ATG13: variants seen among roughly 807,000 people sequenced by gnomAD.
ATG13 encodes the protein autophagy related 13.
A neutral mutation model predicts 65.5 loss-of-function variants in ATG13; 23 were observed. The observed-to-expected ratio is 0.35, with a 90% confidence interval of 0.25 to 0.50. The LOEUF is 0.50. ATG13 is among the 20% of genes least tolerant of loss of function. The pLI, the probability that ATG13 is intolerant of heterozygous loss-of-function variation, is 0.98. For synonymous variants in ATG13, 252 were observed against 245.2 expected, an observed-to-expected ratio of 1.03 and a Z score of -0.26; for missense variants, 566 against 677.0, an observed-to-expected ratio of 0.84 and a Z score of 1.82.
chr11:46,638,106 A>G (rs897499918), intron 2 of ATG13, among the ~76,000 whole-genome samples: 1 of 152,162 alleles, frequency 6.6e-6, no homozygotes, highest in African/African-American at 2.4e-5. Flanking sequence ...TCATCATCTT[A>G]AACATTTATT....
chr11:46,622,301 T>C (rs1448534568), intron 1 of ATG13, among the ~76,000 whole-genome samples: 2 of 151,328 alleles, frequency 1.3e-5, no homozygotes, highest in African/African-American at 4.9e-5. Context: ...ATATTTTTAG[T>C]AGAGACGGGG....
At chr11:46,655,353 G>T (rs1032131326) in intron 7 of ATG13, among the ~76,000 whole-genome samples, 2 of 151,842 alleles carry the variant, frequency 1.3e-5, no homozygotes, top group Admixed American at 1.3e-4. Flanking sequence ...AGCCGAGATT[G>T]CACCACTGCA....
intron 7 of ATG13, among the ~76,000 whole-genome samples, chr11:46,650,906 G>A (rs1240275276): frequency 6.6e-6 from 1 of 152,138 alleles, no homozygotes; most frequent in African/African-American, 2.4e-5. Flanking sequence ...ACCCGGCCTG[G>A]AAGTCAAGAC....
rs1189264273 is a variant in ATG13 at position 46,628,471 on chromosome 11, T to C, written c.-69-1574T>C. 2.0e-5 allele frequency among the ~76,000 whole-genome samples: 3 copies of C among 152,294 alleles called. No individual in the cohort carries two copies. The East Asian group carries it at 5.8e-4, about 29-fold the overall frequency. On this transcript the variant is annotated intron_variant, in intron 1 of 18. Coordinates refer to ENST00000683050, the MANE Select transcript of ATG13 (RefSeq NM_001346311.2). ...AATATTTGTCAGCAAATAGTTTTTT[T>C]TTTTAATTACAGGTAAAACATTCTA...
At chr11:46,625,244 G>A (rs184216255) in intron 1 of ATG13, 3 of 146,362 alleles carry the variant, frequency 2.0e-5, no homozygotes, top group African/African-American at 5.0e-5. Flanking sequence ...TTTTCCTAAG[G>A]TACTTTTGCT....
chr11:46,674,388 C>T lies in ATG13; in HGVS notation c.*2056C>T, dbSNP rs2064351702. 6.6e-6 allele frequency: 1 copy of T among 152,292 alleles called. No individual in the cohort carries two copies. The highest frequency in any genetic ancestry group is 6.5e-5 in the Admixed American group (1 of 15,278). The allele number at this position is 152,292 out of a possible 1,614,324, so 9.4% of individuals were successfully genotyped here. A position where few individuals can be genotyped will look rare whatever the true frequency, so the allele number is the denominator to read the frequency against. ...CAGCACCCCCGGGACAGGCTGGGAC[C>T]AGCTGTTTGTCTCCAGGTGTCAGAG... On this transcript the variant is annotated 3_prime_UTR_variant, in exon 19 of 19. Transcript: ENST00000683050.
chr11:46,664,108 T>A lies in ATG13; in HGVS notation c.888+13T>A. On this transcript the variant is annotated intron_variant, in intron 12 of 18. Transcript: ENST00000683050. ...CTTTTCCCATCAAGTGAGTCCATAA[T>A]GGGAAGAAGGGGATATAATCAGATG... 6.5e-7 allele frequency: 1 copy of A among 1,548,992 alleles called. No individual in the cohort carries two copies.
chr11:46,662,104 G>A (rs2061341785), intron 11 of ATG13, among the ~76,000 whole-genome samples: 1 of 152,146 alleles, frequency 6.6e-6, no homozygotes, highest in Admixed American at 6.6e-5. Context: ...ACACAGAGTA[G>A]CATTGACAAA....
intron 14 of ATG13, among the ~76,000 whole-genome samples, chr11:46,665,863 G>T (rs1318719721): frequency 7.3e-6 from 1 of 137,144 alleles, no homozygotes; most frequent in Non-Finnish European, 1.5e-5. Flanking sequence ...GAAGTGCAGT[G>T]GTACAATCAT....
rs2060031578 is a variant in ATG13 at position 46,656,288 on chromosome 11, T to C, written c.499+15T>C. 1 of 1,607,010 alleles carries C rather than the reference T, an allele frequency of 6.2e-7. No individual in the cohort carries two copies. The highest frequency in any genetic ancestry group is 1.1e-5 in the South Asian group (1 of 90,916). ...CTTAGGAGAAGGTATGTATCAACGG[T>C]TGAAAAACATCGTAGTGTTCAGAGC... On this transcript the variant is annotated intron_variant, in intron 8 of 18. Transcript: ENST00000683050.
intron 2 of ATG13, among the ~76,000 whole-genome samples, chr11:46,638,203 G>A (rs1490415943): frequency 6.6e-6 from 1 of 152,138 alleles, no homozygotes. Flanking sequence ...TTGGAAGGCT[G>A]AGGCAGGTGA....
chr11:46,670,840 C>G (rs533726944), intron 18 of ATG13, among the ~76,000 whole-genome samples: 1 of 152,000 alleles, frequency 6.6e-6, no homozygotes, highest in Non-Finnish European at 1.5e-5. Context: ...AAATAAAAAT[C>G]AAGGCTTTTT....
chr11:46,621,835 T>C (rs2047604281), intron 1 of ATG13, among the ~76,000 whole-genome samples: 1 of 151,968 alleles, frequency 6.6e-6, no homozygotes, highest in Non-Finnish European at 1.5e-5. Context: ...CAAAAGGACC[T>C]AACCCTTGTC....
At chr11:46,623,853 C>G (rs1176475630) in intron 1 of ATG13, among the ~76,000 whole-genome samples, 1 of 151,706 alleles carries the variant, frequency 6.6e-6, no homozygotes, top group East Asian at 1.9e-4. Flanking sequence ...CACTCTTTAC[C>G]ACATTACTTT....
At chr11:46,651,234 A>G (rs1269985285) in intron 7 of ATG13, among the ~76,000 whole-genome samples, 1 of 152,246 alleles carries the variant, frequency 6.6e-6, no homozygotes, top group Non-Finnish European at 1.5e-5. Context: ...TGAAAACTGC[A>G]AACCAGAATC....
In ATG13 at chr11:46,654,073, A is replaced by G. The variant is rs189848127; in HGVS notation, c.459-2160A>G. Among the ~76,000 whole-genome samples the G allele has an allele frequency of 2.1e-3, 322 of 150,740 alleles. 3 individuals carry two copies. The Middle Eastern group carries it at 0.024, about 11-fold the overall frequency. On this transcript the variant is annotated intron_variant, in intron 7 of 18. Transcript: ENST00000683050. The stretch of plus-strand genomic sequence containing the variant: ...TGTTTTTATTTTTTTTTTTCAGAAT[A>G]GTCTTACCTAGTTCATTATTCCACG...
intron 2 of ATG13, among the ~76,000 whole-genome samples, chr11:46,641,673 G>A (rs954874775): frequency 7.9e-5 from 12 of 152,100 alleles, no homozygotes; most frequent in African/African-American, 2.9e-4. Context: ...TATCTGGATT[G>A]TGGTTATATG....
chr11:46,634,439 C>A (rs2053185680), intron 2 of ATG13, among the ~76,000 whole-genome samples: 1 of 149,512 alleles, frequency 6.7e-6, no homozygotes, highest in African/African-American at 2.5e-5. Context: ...GTTTTTGTCG[C>A]CCAGGCTGGA....
At position 46,667,944 on chromosome 11, in the gene ATG13, C is replaced by T. The variant is rs2062748321; in HGVS notation, c.1251+57C>T. ...TGTCTGAGTTCTTAGAGTAAGGCCC[C>T]ACAGGCAGTTTTCTTAACCTGAGAT... On this transcript the variant is annotated intron_variant, in intron 15 of 18. Coordinates refer to ENST00000683050, the MANE Select transcript of ATG13 (RefSeq NM_001346311.2). 2.9e-6 allele frequency: 4 copies of T among 1,396,958 alleles called. No homozygotes were observed. In the East Asian group the frequency reaches 9.3e-5, roughly 32 times the overall value. The allele number at this position is 1,396,958 out of a possible 1,614,324, so 86.5% of individuals were successfully genotyped here. A position where few individuals can be genotyped will look rare whatever the true frequency, so the allele number is the denominator to read the frequency against.
Sources: gnomAD v4.1 joint callset for allele counts (sites outside exome capture counted in the v4.1 genomes callset) on GRCh38, gnomAD v4.1.1 for gene constraint, MANE v1.5 for transcripts, NCBI Gene and HGNC (gene_info 2026-07-23, HGNC 2026-07-21) for gene names.